Variants in HAUS7 observed in about 807,000 individuals in gnomAD.
HAUS7 encodes HAUS augmin like complex subunit 7, also known as HAUS augmin-like complex subunit 7.
Under a neutral mutation model 28.4 loss-of-function variants are expected in HAUS7, and 3 were observed. That is an observed-to-expected ratio of 0.11 (90% CI 0.05 to 0.27). HAUS7 has a LOEUF of 0.27. Ranked by LOEUF, HAUS7 falls within the 10% of genes least tolerant of loss-of-function variation. HAUS7 has a pLI of 1.00. For synonymous variants in HAUS7, 165 were observed against 132.1 expected, an observed-to-expected ratio of 1.25 and a Z score of -1.71; for missense variants, 284 against 297.3, an observed-to-expected ratio of 0.96 and a Z score of 0.33.
Position 153,487,980 on chromosome X carries a change from A to G in HAUS7, c.-589+7394T>C, listed in dbSNP as rs1264413192. ...GACAGCCTCCACAGCTCTCTAGGCC[A>G]CCAGGCCCTGTGCCAGGAAGGGATA... On this transcript the variant is annotated intron_variant, in intron 1 of 5. Coordinates refer to the HAUS7 transcript ENST00000370210. 9.7e-5 allele frequency among the ~76,000 whole-genome samples: 11 copies of G among 112,883 alleles called. No individual in the cohort carries two copies. The Admixed American group carries it at 1.0e-3, about 10-fold the overall frequency.
At chrX:153,478,628 G>A (rs942044185) in intron 1 of HAUS7, among the ~76,000 whole-genome samples, 1 of 112,423 alleles carries the variant, frequency 8.9e-6, no homozygotes, top group Non-Finnish European at 1.9e-5. Context: ...AGAGGAGAAG[G>A]TAGAGACCTG....
intron 9 of HAUS7, among the ~76,000 whole-genome samples, chrX:153,453,821 CTT>C (rs11350425): frequency 4.5e-4 from 44 of 97,432 alleles, no homozygotes; most frequent in Admixed American, 1.5e-3. Context: ...CCTTAAGTAA[CTT>C]TTTTTTTTTT....
chrX:153,460,471 G>C (rs1334519102), intron 4 of HAUS7, among the ~76,000 whole-genome samples: 2 of 110,757 alleles, frequency 1.8e-5, no homozygotes, highest in African/African-American at 6.6e-5. Context: ...ACAGAACCGT[G>C]AATGTGCTTA....
chrX:153,460,024 T>C (rs1556983065), intron 4 of HAUS7, among the ~76,000 whole-genome samples: 1 of 112,196 alleles, frequency 8.9e-6, no homozygotes, highest in African/African-American at 3.2e-5. Context: ...TGTATCTCCT[T>C]CCTCCCTCCT....
intron 9 of HAUS7, among the ~76,000 whole-genome samples, chrX:153,449,043 G>A (rs1360989370): frequency 1.7e-4 from 19 of 111,872 alleles, no homozygotes; most frequent in African/African-American, 6.2e-4. Flanking sequence ...GACCGTGGTG[G>A]CTGCGCTGAC....
chrX:153,478,245 TG>T (rs1236234024), intron 1 of HAUS7, among the ~76,000 whole-genome samples: 7 of 112,278 alleles, frequency 6.2e-5, no homozygotes, highest in African/African-American at 2.3e-4. Context: ...AACGCGGGGT[TG>T]GGGCTGCAGG....
At chrX:153,470,815 G>T (rs1556985115), upstream of HAUS7, 1 of 434,422 alleles carries the variant, frequency 2.3e-6, no homozygotes, top group Admixed American at 3.0e-5. Context: ...AGGGAAGGGG[G>T]CGGGGCGGAC....
Position 153,469,130 on chromosome X carries a change from G to A in HAUS7, c.224+16C>T, listed in dbSNP as rs782044436. The A allele has an allele frequency of 8.2e-6, 8 of 979,577 alleles. No homozygotes were observed. In the Admixed American group the frequency reaches 1.8e-4, roughly 22 times the overall value. 80.7% of individuals were successfully genotyped at this position (979,577 alleles called of 1,213,427 possible). A position where few individuals can be genotyped will look rare whatever the true frequency, so the allele number is the denominator to read the frequency against. On this transcript the variant is annotated intron_variant, in intron 2 of 9. Transcript: ENST00000370211. ...TGCACACCCCAGGTGGGAAGAGGAA[G>A]AAACTGATGCATTACCGGGTACACA... is the stretch of plus-strand genomic sequence containing the variant.
intron 2 of HAUS7, among the ~76,000 whole-genome samples, chrX:153,466,932 G>A (rs1386756123): frequency 8.9e-6 from 1 of 111,971 alleles, no homozygotes; most frequent in East Asian, 2.8e-4. Flanking sequence ...CGAAGAAATC[G>A]AAATCTGAAA....
At chrX:153,472,391 A>G (rs2089531728), upstream of HAUS7, among the ~76,000 whole-genome samples, 1 of 109,218 alleles carries the variant, frequency 9.2e-6, no homozygotes. Context: ...ACCCAGCAGC[A>G]GGCTGCAGCT....
chrX:153,472,933 G>C (rs1328510593), upstream of HAUS7, among the ~76,000 whole-genome samples: 1 of 111,353 alleles, frequency 9.0e-6, no homozygotes, highest in Non-Finnish European at 1.9e-5. Flanking sequence ...ATGGAGGAAA[G>C]TTGGCCATGC....
intron 4 of HAUS7, among the ~76,000 whole-genome samples, chrX:153,460,425 G>A (rs1437187770): frequency 8.9e-6 from 1 of 111,761 alleles, no homozygotes; most frequent in Non-Finnish European, 1.9e-5. Context: ...TTGGGAAGAT[G>A]AACAAGTTCT....
In HAUS7 at chrX:153,454,510, TG is replaced by T. The variant is rs782362578; in HGVS notation, c.931-3del. 4 of 132,707 alleles carry T rather than the reference TG, an allele frequency of 3.0e-5. No individual in the cohort carries two copies. Among genetic ancestry groups the T allele is most frequent in the African/African-American group, 3.3e-4 (2 of 6,114 alleles). 10.9% of individuals were successfully genotyped at this position (132,707 alleles called of 1,213,427 possible). A position where few individuals can be genotyped will look rare whatever the true frequency, so the allele number is the denominator to read the frequency against. On this transcript the variant is annotated splice_region_variant and splice_polypyrimidine_tract_variant and intron_variant, in intron 8 of 9. Transcript: ENST00000370211. ...AACTGCCATGACCACTTGCAGCAGC[TG>T]GGGAGGGAGGGAGGGAGGGAGGGAG...
chrX:153,486,499 C>A, intron 1 of HAUS7: 1 of 504,106 alleles, frequency 2.0e-6, no homozygotes. Context: ...ATCACTCCTC[C>A]ACAGTTCCGA....
chrX:153,486,521 G>A (rs782720753), intron 1 of HAUS7: 4 of 607,616 alleles, frequency 6.6e-6, no homozygotes, highest in African/African-American at 2.3e-5. Context: ...TCTGTGGCTC[G>A]GTCTTACTGC....
At chrX:153,486,124 C>A in intron 1 of HAUS7, 1 of 890,848 alleles carries the variant, frequency 1.1e-6, no homozygotes, top group South Asian at 2.4e-5. Context: ...GACCCCACAC[C>A]TGTGGCCGTC....
intron 1 of HAUS7, among the ~76,000 whole-genome samples, chrX:153,493,771 CT>C (rs1490558252): frequency 9.0e-6 from 1 of 111,188 alleles, no homozygotes; most frequent in African/African-American, 3.3e-5. Context: ...TAGAGCTCCC[CT>C]GGGAGCATCC....
At position 153,456,353 on chromosome X, in the gene HAUS7, G is replaced by A. The variant is rs62642549; in HGVS notation, c.617C>T (p.Ser206Phe). Residue 206 changes from serine to phenylalanine, a missense_variant, in exon 7 of 10, where the codon TCT (serine) becomes TTT (phenylalanine). Physicochemically the swap from Ser to Phe is radical, Grantham distance 155. Transcript: ENST00000370211. ...QSDDWQWASA[S>F]AKSEEEEKLA... ...CTTCTCCTCCTCCTCGGACTTGGCA[G>A]AGGCACTGGCCCTGCAGGGAGAGAA... is the stretch of plus-strand genomic sequence containing the variant. 8.3e-7 allele frequency: 1 copy of A among 1,209,312 alleles called. No homozygotes were observed.
intron 4 of HAUS7, chrX:153,461,455 A>T (rs1460363646): frequency 9.1e-6 from 1 of 110,163 alleles, no homozygotes; most frequent in Non-Finnish European, 1.9e-5. Context: ...CTTTCTGCTC[A>T]ATTTTGCTGT....
Sources: gnomAD v4.1 joint callset for allele counts (sites outside exome capture counted in the v4.1 genomes callset) on GRCh38, gnomAD v4.1.1 for gene constraint, MANE v1.5 for transcripts, NCBI Gene and HGNC (gene_info 2026-07-23, HGNC 2026-07-21) for gene names.